Variants in SH3PXD2A observed in about 807,000 individuals in gnomAD.
The protein encoded by SH3PXD2A is SH3 and PX domain-containing protein 2A.
In SH3PXD2A, 32 loss-of-function variants were observed where a neutral mutation model predicts 115.2. The observed-to-expected ratio is 0.28, with a 90% confidence interval of 0.21 to 0.37. SH3PXD2A has a LOEUF of 0.37. SH3PXD2A is among the 10% of genes least tolerant of loss of function. SH3PXD2A has a pLI of 1.00. For missense variants in SH3PXD2A, 1,328 were observed against 1,498.7 expected, an observed-to-expected ratio of 0.89 and a Z score of 1.88; for synonymous variants, 610 against 629.1, an observed-to-expected ratio of 0.97 and a Z score of 0.45.
intron 7 of SH3PXD2A, among the ~76,000 whole-genome samples, chr10:103,662,347 GGGGGGC>G (rs1257723486): frequency 7.1e-5 from 7 of 99,150 alleles, no homozygotes; most frequent in African/African-American, 3.2e-4. Context: ...TTGGCGGGGG[GGGGGGC>G]GGGGGGGGAT....
rs1204939836 is a variant in SH3PXD2A at position 103,595,872 on chromosome 10, C to T, written c.*5944G>A. ...TGTGCCCACCTTATGGCCTGGGGAC[C>T]CAGGTTTGCAGGAGGGAAGTTAACA... On this transcript the variant is annotated 3_prime_UTR_variant, in exon 15 of 15. Coordinates refer to ENST00000369774, the MANE Select transcript of SH3PXD2A (RefSeq NM_001394015.1). 1 of 152,614 alleles carries T rather than the reference C, an allele frequency of 6.6e-6. No homozygotes were observed. Among genetic ancestry groups the T allele is most frequent in the Non-Finnish European group, 1.5e-5 (1 of 68,046 alleles). The allele number at this position is 152,614 out of a possible 1,614,324, so 9.5% of individuals were successfully genotyped here.
chr10:103,735,988 G>C (rs924382901), intron 3 of SH3PXD2A, among the ~76,000 whole-genome samples, 180 bp from the exon 4 acceptor site: 1 of 152,192 alleles, frequency 6.6e-6, no homozygotes, highest in African/African-American at 2.4e-5. Context: ...AGGCGCCCTA[G>C]GCTGAGAGCC....
chr10:103,736,637 G>T, intron 3 of SH3PXD2A: 2 of 601,058 alleles, frequency 3.3e-6, no homozygotes, highest in Non-Finnish European at 5.4e-6. Context: ...TCCTTGATTG[G>T]CTGAGCTGGG....
intron 3 of SH3PXD2A, among the ~76,000 whole-genome samples, chr10:103,752,999 C>A (rs894553462): frequency 1.1e-4 from 17 of 151,968 alleles, no homozygotes; most frequent in African/African-American, 3.1e-4. Context: ...ATTAAAAGGA[C>A]AACATTGATC....
chr10:103,706,305 A>G (rs910039748), intron 5 of SH3PXD2A, among the ~76,000 whole-genome samples: 1 of 152,150 alleles, frequency 6.6e-6, no homozygotes, highest in Non-Finnish European at 1.5e-5. Context: ...CAGTGGCTGG[A>G]CTGGAGGAGC....
chr10:103,690,092 A>AC (rs1444677936), intron 6 of SH3PXD2A, among the ~76,000 whole-genome samples: 4 of 152,112 alleles, frequency 2.6e-5, no homozygotes. Context: ...GTGGGCAGTC[A>AC]CCCCATCGGA....
At chr10:103,718,317 A>C (rs1010645575) in intron 5 of SH3PXD2A, among the ~76,000 whole-genome samples, 1 of 152,162 alleles carries the variant, frequency 6.6e-6, no homozygotes, top group African/African-American at 2.4e-5. Flanking sequence ...GCACGGGGCC[A>C]AGGGCATGTC....
Position 103,602,246 on chromosome 10 carries a change from T to G in SH3PXD2A, c.2972A>C (p.Asn991Thr). 6 of 1,610,552 alleles carry G rather than the reference T, an allele frequency of 3.7e-6. No individual in the cohort carries two copies. The highest frequency in any genetic ancestry group is 5.1e-6 in the Non-Finnish European group (6 of 1,178,436). ...CCTCCGCAGGGCGCAGGACAGGTTG[T>G]TGTCCTTGGGTGGCGGGGACACAAA... ...SVFVSPPPKD[N>T]NLSCALRRNE... Residue 991 changes from asparagine to threonine, a missense_variant, in exon 15 of 15, where the codon AAC becomes ACC. Physicochemically the swap from Asn to Thr is moderately conservative, Grantham distance 65. Coordinates refer to ENST00000369774, the MANE Select transcript of SH3PXD2A (RefSeq NM_001394015.1).
intron 9 of SH3PXD2A, among the ~76,000 whole-genome samples, chr10:103,624,339 A>C (rs1205612827): frequency 6.6e-6 from 1 of 152,228 alleles, no homozygotes; most frequent in Non-Finnish European, 1.5e-5. Flanking sequence ...AAGCAGGTCC[A>C]TACTGGTAGA....
chr10:103,614,688 C>T (rs748820514), intron 11 of SH3PXD2A, among the ~76,000 whole-genome samples: 1 of 152,136 alleles, frequency 6.6e-6, no homozygotes, highest in East Asian at 1.9e-4. Flanking sequence ...TTGCAATGTC[C>T]CCATCTGCTC....
At chr10:103,802,958 C>T (rs985397285) in intron 1 of SH3PXD2A, among the ~76,000 whole-genome samples, 2 of 152,194 alleles carry the variant, frequency 1.3e-5, no homozygotes, top group Admixed American at 1.3e-4. Context: ...TGAGGAGGAA[C>T]GTTAGCAAAG....
chr10:103,702,393 C>T (rs1202976607), intron 5 of SH3PXD2A, among the ~76,000 whole-genome samples: 1 of 152,174 alleles, frequency 6.6e-6, no homozygotes. Flanking sequence ...TCAAAGGAAA[C>T]ACTGTATAGA....
chr10:103,715,862 G>A (rs58512942), intron 5 of SH3PXD2A, among the ~76,000 whole-genome samples: 18,074 of 152,138 alleles, frequency 0.12, 1,297 homozygotes, highest in Non-Finnish European at 0.15. Flanking sequence ...CTTGCCCCTC[G>A]TCTTCCTACG....
intron 5 of SH3PXD2A, among the ~76,000 whole-genome samples, chr10:103,717,008 G>C (rs2038113012): frequency 6.6e-6 from 1 of 152,228 alleles, no homozygotes; most frequent in Non-Finnish European, 1.5e-5. Context: ...CACCGTGCCA[G>C]GTTTGTTTGG....
At chr10:103,776,645 G>A (rs1296182786) in intron 2 of SH3PXD2A, among the ~76,000 whole-genome samples, 1 of 152,084 alleles carries the variant, frequency 6.6e-6, no homozygotes, top group Non-Finnish European at 1.5e-5. Flanking sequence ...CTGTCCCCTA[G>A]CTTCAGGGAT....
chr10:103,671,039 C>T (rs984331006), intron 6 of SH3PXD2A, among the ~76,000 whole-genome samples: 2 of 152,274 alleles, frequency 1.3e-5, no homozygotes, highest in African/African-American at 4.8e-5. Flanking sequence ...TGCCACTCTC[C>T]ACTTCAGTTT....
intron 1 of SH3PXD2A, among the ~76,000 whole-genome samples, chr10:103,841,736 C>G (rs1398621492): frequency 6.6e-6 from 1 of 152,132 alleles, no homozygotes; most frequent in Non-Finnish European, 1.5e-5. Context: ...AACCACTTTC[C>G]CCCAGATAGC....
At chr10:103,841,329 A>G (rs995539990) in intron 1 of SH3PXD2A, among the ~76,000 whole-genome samples, 1 of 152,146 alleles carries the variant, frequency 6.6e-6, no homozygotes, top group Non-Finnish European at 1.5e-5. Context: ...TGCTTTCAAC[A>G]CAGCACCTTG....
rs116476749 is a variant in SH3PXD2A at position 103,808,774 on chromosome 10, G to C, written c.73-7412C>G. ...GTGTTGGTCTCTATTCAACACAGGT[G>C]AGTCTGTCTTCCTCCCAGGTCTCCC... On this transcript the variant is annotated intron_variant, in intron 1 of 14. Transcript: ENST00000369774. Among the ~76,000 whole-genome samples the C allele has an allele frequency of 1.6e-3, 240 of 152,270 alleles. 1 individual carries two copies. Among genetic ancestry groups the C allele is most frequent in the African/African-American group, 5.4e-3 (226 of 41,552 alleles).
Sources: allele counts gnomAD v4.1 joint callset (sites outside exome capture counted in the v4.1 genomes callset), GRCh38; gene constraint gnomAD v4.1.1; transcripts MANE v1.5; gene names NCBI Gene and HGNC (gene_info 2026-07-23, HGNC 2026-07-21).